The following SYT2 variants were observed in gnomAD, a reference collection of about 807,000 sequenced individuals.
SYT2 encodes synaptotagmin 2.
Under a neutral mutation model 39.9 loss-of-function variants are expected in SYT2, and 15 were observed. The ratio of observed to expected loss-of-function variants is 0.38; its 90% CI spans 0.25 to 0.58. The LOEUF (loss-of-function observed/expected upper bound fraction) is 0.58. Ranked by LOEUF, SYT2 falls within the 20% of genes least tolerant of loss-of-function variation. SYT2 has a pLI of 0.70. For synonymous variants in SYT2, 181 were observed against 204.5 expected, an observed-to-expected ratio of 0.89 and a Z score of 0.98; for missense variants, 389 against 530.3, an observed-to-expected ratio of 0.73 and a Z score of 2.62.
rs1214300095 is a variant in SYT2 at position 202,593,640 on chromosome 1, A to G, written c.*3117T>C. The G allele has an allele frequency of 6.6e-6, 1 of 152,192 alleles. No homozygotes were observed. Among genetic ancestry groups the G allele is most frequent in the Non-Finnish European group, 1.5e-5 (1 of 68,068 alleles). 9.4% of individuals were successfully genotyped at this position (152,192 alleles called of 1,614,324 possible). On this transcript the variant is annotated 3_prime_UTR_variant, in exon 9 of 9. Transcript: ENST00000367268. ...CAGCATTCCTTACCCAGCCTTCCCCAGGCCTCAGCTTCCACTTCCAAAGCC... is the reference window on the plus strand; with the variant it reads ...CAGCATTCCTTACCCAGCCTTCCCCGGGCCTCAGCTTCCACTTCCAAAGCC...
intron 1 of SYT2, among the ~76,000 whole-genome samples, chr1:202,652,668 C>T (rs1692213984): frequency 6.6e-6 from 1 of 152,180 alleles, no homozygotes; most frequent in African/African-American, 2.4e-5. Context: ...GAGACTCCCT[C>T]AGCTATCCTG....
rs1333685789 is a variant in SYT2, at chr1:202,607,669, T to TA, written c.-17-1881dup. Among the ~76,000 whole-genome samples, 5 of 152,298 alleles carry TA rather than the reference T, an allele frequency of 3.3e-5. No individual in the cohort carries two copies. The East Asian group carries it at 9.7e-4, about 29-fold the overall frequency. ...ATTCACCAAGCATTTATTTAACTCTTACTGTCTGCCATGTTGAAATAGCCT... is the reference window on the plus strand; with the variant it reads ...ATTCACCAAGCATTTATTTAACTCTTAACTGTCTGCCATGTTGAAATAGCCT... On this transcript the variant is annotated intron_variant, in intron 1 of 8. Coordinates refer to ENST00000367268, the MANE Select transcript of SYT2 (RefSeq NM_177402.5).
chr1:202,700,980 A>T (rs945025648), intron 1 of SYT2, among the ~76,000 whole-genome samples: 13 of 152,332 alleles, frequency 8.5e-5, no homozygotes, highest in African/African-American at 3.1e-4. Context: ...TGATTTTGTG[A>T]CATCATTCAT....
chr1:202,595,471 AG>A lies in SYT2; in HGVS notation c.*1285del, dbSNP rs1292266775. On this transcript the variant is annotated 3_prime_UTR_variant, in exon 9 of 9. Transcript: ENST00000367268. ...CTCCAGCATGGAGGGCAGAGGGCCA[AG>A]GGAGCAAGGAGTGGGAGTCGGGGGA... The A allele has an allele frequency of 6.6e-6, 1 of 152,252 alleles. No individual in the cohort carries two copies. 9.4% of individuals were successfully genotyped at this position (152,252 alleles called of 1,614,324 possible). A position where few individuals can be genotyped will look rare whatever the true frequency, so the allele number is the denominator to read the frequency against.
chr1:202,609,683 G>A (rs1690830768), intron 1 of SYT2, among the ~76,000 whole-genome samples: 1 of 152,206 alleles, frequency 6.6e-6, no homozygotes. Flanking sequence ...CTGCATAACT[G>A]TCTTCTTTCG....
At chr1:202,654,499 C>T (rs1692246137) in intron 1 of SYT2, among the ~76,000 whole-genome samples, 1 of 152,226 alleles carries the variant, frequency 6.6e-6, no homozygotes, top group Admixed American at 6.5e-5. Flanking sequence ...ATCCATTCAA[C>T]AATCTTTTGT....
At chr1:202,617,076 T>G (rs896106022) in intron 1 of SYT2, among the ~76,000 whole-genome samples, 2 of 152,188 alleles carry the variant, frequency 1.3e-5, no homozygotes, top group African/African-American at 4.8e-5. Flanking sequence ...ATGCTCTCCA[T>G]CCAGCAGCAC....
chr1:202,701,880 T>A (rs913406221), intron 1 of SYT2, among the ~76,000 whole-genome samples: 3 of 152,190 alleles, frequency 2.0e-5, no homozygotes, highest in African/African-American at 4.8e-5. Flanking sequence ...GACCCCGAAG[T>A]TCAGAAAGTT....
rs1181727960 is a variant in SYT2, at chr1:202,623,755, TC to T, written c.-17-17967del. Among the ~76,000 whole-genome samples the T allele has an allele frequency of 6.6e-6, 1 of 152,104 alleles. No individual in the cohort carries two copies. The highest frequency in any genetic ancestry group is 1.5e-5 in the Non-Finnish European group (1 of 68,024). On this transcript the variant is annotated intron_variant, in intron 1 of 8. Transcript: ENST00000367268. The surrounding 1 kb of genome is among the most constrained non-coding windows in gnomAD (Gnocchi z 4.2). Reference sequence around the variant, plus strand: ...CTGTGGGGGTCTGCCCTGGTCGTGCTCCCAAGAGAGGCACTGCTTTCTGCAG... The same window carrying T: ...CTGTGGGGGTCTGCCCTGGTCGTGCTCCAAGAGAGGCACTGCTTTCTGCAG...
In SYT2 at chr1:202,593,385, C is replaced by G. The variant is rs1690189709; in HGVS notation, c.*3372G>C. On this transcript the variant is annotated 3_prime_UTR_variant, in exon 9 of 9. Coordinates refer to ENST00000367268, the MANE Select transcript of SYT2 (RefSeq NM_177402.5). ...AGGTTTATAAGAGAGCTGCTTTTAC[C>G]CACAGGAGGGCTGTAGTGACCTCTC... 1 of 152,172 alleles carries G rather than the reference C, an allele frequency of 6.6e-6. No homozygotes were observed. Among genetic ancestry groups the G allele is most frequent in the South Asian group, 2.1e-4 (1 of 4,832 alleles). 9.4% of individuals were successfully genotyped at this position (152,172 alleles called of 1,614,324 possible).
chr1:202,597,556 G>A (rs1227669228), intron 8 of SYT2, among the ~76,000 whole-genome samples: 1 of 152,232 alleles, frequency 6.6e-6, no homozygotes, highest in Non-Finnish European at 1.5e-5. Flanking sequence ...TATAGGGTGA[G>A]AAGCAGTGAG....
intron 1 of SYT2, among the ~76,000 whole-genome samples, chr1:202,658,994 T>A (rs929691245): frequency 2.6e-5 from 4 of 152,192 alleles, no homozygotes; most frequent in Middle Eastern, 3.4e-3. Flanking sequence ...TAAGCCTCCT[T>A]CACATAGAGG....
intron 1 of SYT2, among the ~76,000 whole-genome samples, chr1:202,689,589 C>G (rs1273771770): frequency 6.6e-6 from 1 of 152,116 alleles, no homozygotes; most frequent in Non-Finnish European, 1.5e-5. Context: ...TTTAATCCCT[C>G]TGAGCACCCC....
intron 1 of SYT2, among the ~76,000 whole-genome samples, chr1:202,633,217 A>G (rs1437873907): frequency 1.3e-5 from 2 of 152,100 alleles, no homozygotes; most frequent in African/African-American, 4.8e-5. Context: ...AGTCACCAAA[A>G]TATGCTGGGC....
chr1:202,624,377 ATG>A (rs1691290352), intron 1 of SYT2, among the ~76,000 whole-genome samples: 2 of 150,632 alleles, frequency 1.3e-5, no homozygotes, highest in African/African-American at 4.9e-5. Context: ...GTAGTGGCAT[ATG>A]TGTGGTGTGT....
intron 1 of SYT2, among the ~76,000 whole-genome samples, chr1:202,698,334 C>T (rs564266046): frequency 2.0e-5 from 3 of 152,190 alleles, no homozygotes; most frequent in South Asian, 4.2e-4. Flanking sequence ...GCCCTGTGCC[C>T]GCTGAAGAGC....
At chr1:202,597,901 G>A (rs1690357151) in intron 8 of SYT2, among the ~76,000 whole-genome samples, 1 of 152,176 alleles carries the variant, frequency 6.6e-6, no homozygotes, top group Non-Finnish European at 1.5e-5. Context: ...TGGATTTGCT[G>A]AATGCTCGAT....
chr1:202,643,322 CGGGGG>C (rs1558445437), intron 1 of SYT2: 1 of 112,024 alleles, frequency 8.9e-6, no homozygotes, highest in African/African-American at 3.9e-5. Flanking sequence ...GTGGAGAGGG[CGGGGG>C]CGGGGGCGGG....
At chr1:202,605,902 T>A in intron 1 of SYT2, 113 bp from the exon 2 acceptor site, 1 of 696,818 alleles carries the variant, frequency 1.4e-6, no homozygotes, top group Admixed American at 2.9e-5. Context: ...ATATTTTGCA[T>A]AATATTAACA....
Sources: gnomAD v4.1 joint callset for allele counts (sites outside exome capture counted in the v4.1 genomes callset) on GRCh38, gnomAD v4.1.1 for gene constraint, Gnocchi (gnomAD v3.1) non-coding constraint, MANE v1.5 for transcripts, NCBI Gene and HGNC (gene_info 2026-07-23, HGNC 2026-07-21) for gene names.